The following PTCHD4 variants were observed in gnomAD, a reference collection of about 807,000 sequenced individuals.
The protein encoded by PTCHD4 is patched domain-containing protein 4.
In PTCHD4, 33 loss-of-function variants were observed where a neutral mutation model predicts 58.1. The ratio of observed to expected loss-of-function variants is 0.57; its 90% confidence interval spans 0.43 to 0.76. The LOEUF (loss-of-function observed/expected upper bound fraction) is 0.76, where lower values mean the gene tolerates loss of function less well. PTCHD4 is among the 30% of genes least tolerant of loss of function. The probability of loss-of-function intolerance (pLI) is 0.00; values close to 1 mark genes in which losing one functional copy is unlikely to be tolerated. For synonymous variants in PTCHD4, 478 were observed against 409.6 expected (o/e 1.17, Z -2.02); for missense variants, 1,058 against 1,027.1 (o/e 1.03, Z -0.41).
At chr6:47,895,720 T>C (rs965169592) in intron 4 of PTCHD4, among the ~76,000 whole-genome samples, 2 of 152,086 alleles carry the variant, frequency 1.3e-5, no homozygotes, top group Admixed American at 1.3e-4. Flanking sequence ...TCTTCCATAT[T>C]TAGAGTTGGA....
intron 4 of PTCHD4, among the ~76,000 whole-genome samples, chr6:47,898,779 C>T (rs776006001): frequency 4.0e-5 from 6 of 151,802 alleles, no homozygotes; most frequent in South Asian, 2.1e-4. Flanking sequence ...TCATGCCACC[C>T]GTGAGAAAAT....
chr6:48,105,626 A>C (rs577305321), intron 1 of PTCHD4, among the ~76,000 whole-genome samples: 1 of 150,042 alleles, frequency 6.7e-6, no homozygotes, highest in South Asian at 2.1e-4. Context: ...AAATAGAGAC[A>C]AAAAAAACCC....
At position 47,902,045 on chromosome 6, in the gene PTCHD4, C is replaced by T. The variant is rs183835410; in HGVS notation, c.899-22109G>A. On this transcript the variant is annotated intron_variant, in intron 4 of 4. Coordinates refer to ENST00000339488, the MANE Select transcript of PTCHD4 (RefSeq NM_001384253.1). ...ACACTGGGGAACTGAAGAGTTATCA[C>T]CATCATCAACAACAACAGCAACCAC... The T allele has an allele frequency of 1.1e-3, 630 of 569,736 alleles. 5 individuals carry two copies. Among genetic ancestry groups the T allele is most frequent in the Middle Eastern group, 8.0e-3 (25 of 3,112 alleles). The allele number at this position is 569,736 out of a possible 1,614,324, so 35.3% of individuals were successfully genotyped here. A position where few individuals can be genotyped will look rare whatever the true frequency, so the allele number is the denominator to read the frequency against.
At chr6:47,924,937 A>G (rs1765549566) in intron 4 of PTCHD4, among the ~76,000 whole-genome samples, 1 of 148,650 alleles carries the variant, frequency 6.7e-6, no homozygotes, top group Non-Finnish European at 1.5e-5. Context: ...GCTTACAAGC[A>G]GACATTTTAT....
intron 4 of PTCHD4, among the ~76,000 whole-genome samples, chr6:47,925,809 A>G (rs564468799): frequency 2.9e-4 from 44 of 152,290 alleles, no homozygotes; most frequent in African/African-American, 1.0e-3. Context: ...GCAATTTATC[A>G]GGGCTTGTTT....
At chr6:47,929,681 G>A (rs1202908840) in intron 4 of PTCHD4, among the ~76,000 whole-genome samples, 1 of 152,242 alleles carries the variant, frequency 6.6e-6, no homozygotes, top group Non-Finnish European at 1.5e-5. Context: ...ATCATTGCCT[G>A]AGAAGCAGGC....
At chr6:48,059,413 G>A (rs928946617) in intron 3 of PTCHD4, among the ~76,000 whole-genome samples, 2 of 152,024 alleles carry the variant, frequency 1.3e-5, no homozygotes, top group African/African-American at 4.8e-5. Context: ...GGCGGAAGTG[G>A]GCGGATCACA....
At chr6:48,022,632 G>T (rs138781587) in intron 3 of PTCHD4, among the ~76,000 whole-genome samples, 3 of 152,204 alleles carry the variant, frequency 2.0e-5, no homozygotes, top group Middle Eastern at 3.4e-3. Flanking sequence ...GCTTACCTTT[G>T]CAAGAGTGTT....
intron 4 of PTCHD4, among the ~76,000 whole-genome samples, chr6:47,881,130 A>G (rs1764010714): frequency 6.6e-6 from 1 of 152,160 alleles, no homozygotes. Context: ...CACAAAATCA[A>G]CTAGTTTATG....
At chr6:48,074,464 G>A (rs1407180003) in intron 1 of PTCHD4, among the ~76,000 whole-genome samples, 4 of 152,200 alleles carry the variant, frequency 2.6e-5, no homozygotes, top group Non-Finnish European at 5.9e-5. Context: ...ATTGTGTCTT[G>A]TAAGAGTGAA....
intron 4 of PTCHD4, among the ~76,000 whole-genome samples, chr6:47,916,839 T>C (rs1484073740): frequency 6.6e-6 from 1 of 152,152 alleles, no homozygotes; most frequent in East Asian, 1.9e-4. Context: ...CTGTCCAAAA[T>C]GTTAAAGCTT....
At chr6:47,957,820 G>A (rs978183912) in intron 4 of PTCHD4, among the ~76,000 whole-genome samples, 2 of 151,852 alleles carry the variant, frequency 1.3e-5, no homozygotes, top group Non-Finnish European at 2.9e-5. Context: ...TAGCCAGGAT[G>A]GTTTCGATCA....
chr6:48,098,800 T>A (rs1765533611), intron 1 of PTCHD4, among the ~76,000 whole-genome samples: 1 of 152,216 alleles, frequency 6.6e-6, no homozygotes, highest in Non-Finnish European at 1.5e-5. Context: ...TTTGAGTAGC[T>A]ATGGGTAAAA....
At position 47,879,614 on chromosome 6, in the gene PTCHD4, A is replaced by C; in HGVS notation, c.1221T>G (p.Pro407=). The change falls in exon 5 of 5, where the codon CCT becomes CCG. Residue 407 remains proline (P), a synonymous_variant. Transcript: ENST00000339488. ...RYHSIFCCKI[P]SAEYLDRKPV... is the part of the protein sequence containing the mutation. The stretch of plus-strand genomic sequence containing the variant: ...GTTTGCGATCCAGGTATTCTGCAGA[A>C]GGGATCTTACAGCAAAAGATGCTGT... The C allele has an allele frequency of 6.2e-7, 1 of 1,613,758 alleles. No homozygotes were observed. Among genetic ancestry groups the C allele is most frequent in the East Asian group, 2.2e-5 (1 of 44,858 alleles).
intron 4 of PTCHD4, among the ~76,000 whole-genome samples, chr6:47,898,458 C>A (rs1764592647): frequency 6.6e-6 from 1 of 152,146 alleles, no homozygotes; most frequent in Admixed American, 6.5e-5. Flanking sequence ...AACTGTTAAA[C>A]ATATACTGTG....
chr6:48,026,054 C>A (rs1036917438), intron 3 of PTCHD4, among the ~76,000 whole-genome samples: 2 of 152,152 alleles, frequency 1.3e-5, no homozygotes, highest in Non-Finnish European at 2.9e-5. Flanking sequence ...GAAAGGTCTT[C>A]TGTATCACCC....
chr6:48,012,076 A>G (rs1208479597), intron 3 of PTCHD4, among the ~76,000 whole-genome samples: 1 of 152,170 alleles, frequency 6.6e-6, no homozygotes, highest in Non-Finnish European at 1.5e-5. Context: ...TTCCATATGA[A>G]CTTTAAAGTA....
chr6:48,064,883 G>A (rs1241413455), intron 3 of PTCHD4, among the ~76,000 whole-genome samples: 2 of 152,140 alleles, frequency 1.3e-5, no homozygotes. Context: ...TATAGATGTA[G>A]GGATTTAAGA....
In PTCHD4 at chr6:48,054,836, G is replaced by A. The variant is rs189512532; in HGVS notation, c.417+13394C>T. Among the ~76,000 whole-genome samples the A allele has an allele frequency of 2.8e-3, 432 of 152,204 alleles. 1 individual carries two copies. The highest frequency in any genetic ancestry group is 0.017 in the Middle Eastern group (5 of 294). ...GCAGGGATGGTAAGTGATTTATCAC[G>A]TGGTTTCCTAATCTTCCAATGATGT... On this transcript the variant is annotated intron_variant, in intron 3 of 4. Transcript: ENST00000339488.
Sources: allele counts gnomAD v4.1 joint callset (sites outside exome capture counted in the v4.1 genomes callset), GRCh38; gene constraint gnomAD v4.1.1; transcripts MANE v1.5; gene names NCBI Gene and HGNC (gene_info 2026-07-23, HGNC 2026-07-21).